Variants in NR2E3 observed in about 807,000 individuals in gnomAD.
NR2E3 encodes nuclear receptor subfamily 2 group E member 3.
A neutral mutation model predicts 37.6 loss-of-function variants in NR2E3; 38 were observed. That is an observed-to-expected ratio of 1.01 (90% CI 0.78 to 1.33). The LOEUF is 1.33. Among genes scored for constraint, NR2E3 ranks in the 40% most tolerant of loss-of-function variants. NR2E3 has a pLI of 0.00. For missense variants in NR2E3, 562 were observed against 558.7 expected (o/e 1.01, Z -0.06); for synonymous variants, 235 against 225.1 (o/e 1.04, Z -0.39).
In NR2E3 at chr15:71,812,052, C is replaced by T. The variant is rs757833321; in HGVS notation, c.447C>T (p.Pro149=). The T allele has an allele frequency of 3.2e-5, 50 of 1,553,136 alleles. No homozygotes were observed. Among genetic ancestry groups the T allele is most frequent in the Non-Finnish European group, 4.0e-5 (46 of 1,148,522 alleles). The change falls in exon 4 of 8, where the codon CCC becomes CCT. Residue 149 remains proline, a synonymous_variant. Transcript: ENST00000617575. ...TESRPESLVA[P]PAPAGRSPRG... ...CCCGGCCGGAGTCCCTGGTGGCTCC[C>T]CCGGCCCCGGCAGGGCGCAGCCCAC...
chr15:71,812,199 G>GCACAGCAGGGCTTGGCTTCCCGGGT, intron 4 of NR2E3, 23 bp downstream of exon 4: 1 of 1,598,474 alleles, frequency 6.3e-7, no homozygotes, highest in African/African-American at 1.3e-5. Context: ...GCAGCTGAGG[G>GCACAGCAGGGCTTGGCTTCCCGGGT]CACAGCAGGG....
Position 71,812,432 on chromosome 15 carries a change from C to A in NR2E3, c.668C>A (p.Thr223Asn). 2 of 1,613,996 alleles carry A rather than the reference C, an allele frequency of 1.2e-6. No individual in the cohort carries two copies. The highest frequency in any genetic ancestry group is 1.7e-6 in the Non-Finnish European group (2 of 1,179,882). Residue 223 changes from threonine to asparagine, a missense_variant, in exon 5 of 8, where the codon ACC becomes AAC. By Grantham distance (65) the Thr-to-Asn change is moderately conservative (BLOSUM62 0). Coordinates refer to ENST00000617575, the MANE Select transcript of NR2E3 (RefSeq NM_014249.4). Reference sequence around the variant, plus strand: ...TGCGGCCTGGACAGCATCCATGAGACCTCGGCTCGCCTACTCTTCATGGCC... The same window carrying A: ...TGCGGCCTGGACAGCATCCATGAGAACTCGGCTCGCCTACTCTTCATGGCC... ...SPCGLDSIHE[T>N]SARLLFMAVK...
chr15:71,815,800 T>A (rs921432105), intron 7 of NR2E3, among the ~76,000 whole-genome samples: 2 of 152,208 alleles, frequency 1.3e-5, no homozygotes, highest in African/African-American at 4.8e-5. Context: ...ACCTGATGTT[T>A]CTCTTTTCTT....
rs1257334132 is a variant in NR2E3 at position 71,812,011 on chromosome 15, G to T, written c.406G>T (p.Glu136Ter). The change falls in exon 4 of 8, where the codon GAG becomes TAG. Residue 136 changes from glutamate (E) to a stop codon, truncating the protein, a stop_gained. Transcript: ENST00000617575. LOFTEE classifies it high-confidence loss of function. ...AGCCCAGGTCCACCTGGACAGCATGGAGTCCAACACTGAGTCCCGGCCGGA... is the reference window on the plus strand; with the variant it reads ...AGCCCAGGTCCACCTGGACAGCATGTAGTCCAACACTGAGTCCCGGCCGGA... Reference protein sequence around the residue: ...STAQVHLDSMESNTESRPESL... With the variant: ...STAQVHLDSM The T allele has an allele frequency of 6.4e-7, 1 of 1,555,222 alleles. No individual in the cohort carries two copies. The highest frequency in any genetic ancestry group is 8.7e-7 in the Non-Finnish European group (1 of 1,149,522).
chr15:71,810,902 G>C, intron 1 of NR2E3, 41 bp downstream of exon 1: 1 of 1,511,388 alleles, frequency 6.6e-7, no homozygotes, highest in South Asian at 1.3e-5. Context: ...CTGGGCCCTT[G>C]GGGAGCAGGG....
chr15:71,814,629 C>T (rs1278595569), intron 7 of NR2E3: 2 of 952,538 alleles, frequency 2.1e-6, no homozygotes, highest in Middle Eastern at 5.4e-4. Flanking sequence ...AGGACCAGCC[C>T]GTTCAGGACT....
chr15:71,817,503 G>C (rs756284199), intron 7 of NR2E3, 49 bp from the exon 8 acceptor site: 125 of 1,552,882 alleles, frequency 8.0e-5, no homozygotes, highest in Non-Finnish European at 1.1e-4. Flanking sequence ...CCAGGGACTA[G>C]TGCTCAGAAG....
intron 7 of NR2E3, among the ~76,000 whole-genome samples, chr15:71,815,748 G>A (rs1464590269): frequency 6.6e-6 from 1 of 152,156 alleles, no homozygotes; most frequent in African/African-American, 2.4e-5. Context: ...ACACCAAAGC[G>A]AAGTTCCACG....
At chr15:71,816,108 C>A (rs2140293510) in intron 7 of NR2E3, among the ~76,000 whole-genome samples, 1 of 152,270 alleles carries the variant, frequency 6.6e-6, no homozygotes, top group East Asian at 1.9e-4. Flanking sequence ...GTGAGAGGAG[C>A]ATGGGACTGC....
At position 71,813,595 on chromosome 15, in the gene NR2E3, G is replaced by C. The variant is rs779314442; in HGVS notation, c.954G>C (p.Thr318=). ...TCCGGGCATTGGCGGTGGACCCCAC[G>C]GAGTTTGCCTGCATGAAGGCCTTGG... ...SRFRALAVDP[T]EFACMKALVL... The change falls in exon 6 of 8, where the codon ACG becomes ACC. Residue 318 remains threonine (T), a synonymous_variant. Coordinates refer to ENST00000617575, the MANE Select transcript of NR2E3 (RefSeq NM_014249.4). This position sits in a 1 kb window ranked among gnomAD's most constrained non-coding sequence, Gnocchi z 4.7. 5.0e-6 allele frequency: 8 copies of C among 1,613,828 alleles called. No homozygotes were observed. In the South Asian group the frequency reaches 7.7e-5, roughly 16 times the overall value.
Position 71,814,004 on chromosome 15 carries a change from C to T in NR2E3, c.995-8C>T, listed in dbSNP as rs748750894. ...TGTGCTAAGCTCACTGGTGCTGCTT[C>T]TCCCCAGAGACGCGGGGCCTGAAGG... On this transcript the variant is annotated splice_region_variant and splice_polypyrimidine_tract_variant and intron_variant, in intron 6 of 7. Coordinates refer to ENST00000617575, the MANE Select transcript of NR2E3 (RefSeq NM_014249.4). 1.2e-6 allele frequency: 2 copies of T among 1,609,268 alleles called. No homozygotes were observed. The highest frequency in any genetic ancestry group is 3.4e-5 in the Admixed American group (2 of 59,412).
chr15:71,815,703 AAC>A (rs1444489439), intron 7 of NR2E3, among the ~76,000 whole-genome samples: 1 of 152,190 alleles, frequency 6.6e-6, no homozygotes, highest in East Asian at 1.9e-4. Context: ...CCCAGGAAGA[AAC>A]ACAATTACCA....
rs368098126 is a variant in NR2E3, at chr15:71,812,410, G to A, written c.646G>A (p.Gly216Ser). 40 of 1,613,746 alleles carry A rather than the reference G, an allele frequency of 2.5e-5. No homozygotes were observed. Among genetic ancestry groups the A allele is most frequent in the African/African-American group, 9.3e-5 (7 of 74,880 alleles). The change falls in exon 5 of 8, where the codon GGC becomes AGC. Residue 216 changes from glycine (G) to serine (S), a missense_variant. Transcript: ENST00000617575. ...TCCATACTCCTCTTCCTCCCCCTGC[G>A]GCCTGGACAGCATCCATGAGACCTC... is the stretch of plus-strand genomic sequence containing the variant. ...SSPYSSSSPC[G>S]LDSIHETSAR... is the part of the protein sequence containing the mutation.
At position 71,811,739 on chromosome 15, in the gene NR2E3, C is replaced by T. The variant is rs1464276365; in HGVS notation, c.246-27C>T. 1 of 1,548,746 alleles carries T rather than the reference C, an allele frequency of 6.5e-7. No homozygotes were observed. The highest frequency in any genetic ancestry group is 8.7e-7 in the Non-Finnish European group (1 of 1,144,890). ...GCTCAGGGCATGGGAGGGACACTGA[C>T]CCCTGGGGTCTCCTCTTCACCTGCA... On this transcript the variant is annotated intron_variant, in intron 2 of 7. Coordinates refer to ENST00000617575, the MANE Select transcript of NR2E3 (RefSeq NM_014249.4). The surrounding 1 kb of genome is among the most constrained non-coding windows in gnomAD (Gnocchi z 5.6).
chr15:71,813,887 G>T lies in NR2E3; in HGVS notation c.995-125G>T. 6.5e-7 allele frequency: 1 copy of T among 1,528,408 alleles called. No homozygotes were observed. The highest frequency in any genetic ancestry group is 8.8e-7 in the Non-Finnish European group (1 of 1,142,038). The allele number at this position is 1,528,408 out of a possible 1,614,324, so 94.7% of individuals were successfully genotyped here. On this transcript the variant is annotated intron_variant, in intron 6 of 7. Transcript: ENST00000617575. This position sits in a 1 kb window ranked among gnomAD's most constrained non-coding sequence, Gnocchi z 4.7. ...AGCCCCTGGTGGCTCCTCTGGGCCT[G>T]GCAGAGCCCACCCCACAGGGCCCCA... is the stretch of plus-strand genomic sequence containing the variant.
intron 7 of NR2E3, among the ~76,000 whole-genome samples, chr15:71,815,928 C>T (rs2723343): frequency 0.19 from 28,450 of 152,136 alleles, 2,849 homozygotes; most frequent in East Asian, 0.39. Context: ...TCTTCTTCCT[C>T]CCACTCTAAT....
chr15:71,817,788 C>A lies in NR2E3; in HGVS notation c.*104C>A. ...AGCAATTCCTCGTAGGTGTGTGTACCCAGCAGAAATGCCCACCGAAAGATA... is the reference window on the plus strand; with the variant it reads ...AGCAATTCCTCGTAGGTGTGTGTACACAGCAGAAATGCCCACCGAAAGATA... On this transcript the variant is annotated 3_prime_UTR_variant, in exon 8 of 8. Transcript: ENST00000617575. 2 of 1,070,268 alleles carry A rather than the reference C, an allele frequency of 1.9e-6. No homozygotes were observed. The highest frequency in any genetic ancestry group is 2.7e-6 in the Non-Finnish European group (2 of 754,694). The allele number at this position is 1,070,268 out of a possible 1,614,324, so 66.3% of individuals were successfully genotyped here.
Position 71,810,759 on chromosome 15 carries a change from A to G in NR2E3, c.16A>G (p.Thr6Ala). ...CCTGTAACCCATGGAGACCAGACCA[A>G]CAGCTCTGATGAGCTCCACAGTGGC... METRP[T>A]ALMSSTVAAA... The change falls in exon 1 of 8, where the codon ACA (threonine) becomes GCA (alanine). Residue 6 changes from threonine (T) to alanine (A), a missense_variant. Physicochemically the swap from Thr to Ala is moderately conservative, Grantham distance 58 (BLOSUM62 0). Coordinates refer to ENST00000617575, the MANE Select transcript of NR2E3 (RefSeq NM_014249.4). The G allele has an allele frequency of 6.4e-7, 1 of 1,572,372 alleles. No homozygotes were observed. Among genetic ancestry groups the G allele is most frequent in the Non-Finnish European group, 8.6e-7 (1 of 1,159,468 alleles).
Position 71,811,730 on chromosome 15 carries a change from G to A in NR2E3, c.246-36G>A, listed in dbSNP as rs775509399. The A allele has an allele frequency of 1.5e-5, 23 of 1,545,806 alleles. No individual in the cohort carries two copies. The highest frequency in any genetic ancestry group is 1.9e-5 in the Non-Finnish European group (22 of 1,142,174). On this transcript the variant is annotated intron_variant, in intron 2 of 7. Transcript: ENST00000617575. This position sits in a 1 kb window ranked among gnomAD's most constrained non-coding sequence, Gnocchi z 5.6. ...AAGCCCATGGCTCAGGGCATGGGAGGGACACTGACCCCTGGGGTCTCCTCT... is the reference window on the plus strand; with the variant it reads ...AAGCCCATGGCTCAGGGCATGGGAGAGACACTGACCCCTGGGGTCTCCTCT...
Sources: gnomAD v4.1 joint callset for allele counts (sites outside exome capture counted in the v4.1 genomes callset) on GRCh38, gnomAD v4.1.1 for gene constraint, Gnocchi (gnomAD v3.1) non-coding constraint, MANE v1.5 for transcripts, NCBI Gene and HGNC (gene_info 2026-07-23, HGNC 2026-07-21) for gene names.